SIM1: variants seen among roughly 807,000 people sequenced by gnomAD.
The protein encoded by SIM1 is SIM bHLH transcription factor 1.
Under a neutral mutation model 78.2 loss-of-function variants are expected in SIM1, and 18 were observed. The ratio of observed to expected loss-of-function variants is 0.23; its 90% CI spans 0.16 to 0.34. SIM1 has a LOEUF of 0.34. Among genes scored for constraint, SIM1 ranks in the 10% least tolerant of loss-of-function variants. The pLI is 1.00. For missense variants in SIM1, 939 were observed against 975.1 expected, an observed-to-expected ratio of 0.96 and a Z score of 0.49; for synonymous variants, 417 against 385.2, an observed-to-expected ratio of 1.08 and a Z score of -0.97.
rs147515014 is a variant in SIM1 at position 100,414,468 on chromosome 6, T to C, written c.1167+6322A>G. On this transcript the variant is annotated intron_variant, in intron 10 of 11. Transcript: ENST00000369208. The stretch of plus-strand genomic sequence containing the variant: ...AAAATAATAATCTGAGATTCATTTA[T>C]GAAAACCATCTAAAAAGATTATAAA... 8.3e-4 allele frequency among the ~76,000 whole-genome samples: 127 copies of C among 152,342 alleles called. 1 individual carries two copies. In the East Asian group the frequency reaches 0.019, roughly 22 times the overall value.
rs1770547496 is a variant in SIM1 at position 100,387,740 on chromosome 6, T to A, written c.*2621A>T. The A allele has an allele frequency of 6.6e-6, 1 of 152,120 alleles. No homozygotes were observed. Among genetic ancestry groups the A allele is most frequent in the Non-Finnish European group, 1.5e-5 (1 of 67,970 alleles). 9.4% of individuals were successfully genotyped at this position (152,120 alleles called of 1,614,324 possible). The stretch of plus-strand genomic sequence containing the variant: ...TTGGTCATGTCATTTTAAAGAGCAT[T>A]ATTCCTTCTGATTACTCTCATCTGT... On this transcript the variant is annotated 3_prime_UTR_variant, in exon 12 of 12. Coordinates refer to ENST00000369208, the MANE Select transcript of SIM1 (RefSeq NM_005068.3).
At chr6:100,391,115 G>A (rs1770628136) in intron 11 of SIM1, 24 bp from the exon 12 acceptor site, 2 of 1,549,686 alleles carry the variant, frequency 1.3e-6, no homozygotes, top group East Asian at 4.5e-5. Context: ...AAAGTCAAAA[G>A]TAAGTGATCT....
intron 10 of SIM1, among the ~76,000 whole-genome samples, chr6:100,403,699 T>C (rs1166894037): frequency 6.6e-6 from 1 of 152,214 alleles, no homozygotes; most frequent in Non-Finnish European, 1.5e-5. Flanking sequence ...GGAAAAGAAC[T>C]GTGATGTATT....
intron 2 of SIM1, among the ~76,000 whole-genome samples, chr6:100,455,810 C>T (rs1178440756): frequency 6.6e-6 from 1 of 152,204 alleles, no homozygotes; most frequent in African/African-American, 2.4e-5. Context: ...GAAGGCCTCC[C>T]AAAGCGGCTG....
intron 10 of SIM1, among the ~76,000 whole-genome samples, chr6:100,399,069 G>A (rs910075932): frequency 1.3e-5 from 2 of 151,842 alleles, no homozygotes; most frequent in Admixed American, 1.3e-4. Context: ...TCCTTCCGCA[G>A]GCATATTTGT....
intron 2 of SIM1, among the ~76,000 whole-genome samples, chr6:100,458,018 CTCTCTCTCTCTCTCTCT>C (rs758457127): frequency 0.012 from 1,082 of 87,624 alleles, 12 homozygotes; most frequent in Middle Eastern, 0.017. Context: ...CTCTCTCTCT[CTCTCTCTCTCTCTCTCT>C]CTCTCTCTCT....
chr6:100,413,351 T>C (rs1771311620), intron 10 of SIM1, among the ~76,000 whole-genome samples: 1 of 152,176 alleles, frequency 6.6e-6, no homozygotes, highest in African/African-American at 2.4e-5. Context: ...GCAATCTGGT[T>C]ACCACGGGCA....
chr6:100,412,535 TAAGAAAGAAAGAAAGAAAGAA>T (rs1771217390), intron 10 of SIM1, among the ~76,000 whole-genome samples: 21 of 86,434 alleles, frequency 2.4e-4, no homozygotes, highest in African/African-American at 5.6e-4. Context: ...AGACTCTGTC[TAAGAAAGAAAGAAAGAAAGAA>T]AAGAAAGAAA....
At chr6:100,450,416 CAGG>C in intron 3 of SIM1, 60 bp from the exon 4 acceptor site, 1 of 1,468,518 alleles carries the variant, frequency 6.8e-7, no homozygotes, top group Non-Finnish European at 9.5e-7. Flanking sequence ...GAAATGGGAG[CAGG>C]AGGACAGAAG....
intron 9 of SIM1, among the ~76,000 whole-genome samples, chr6:100,429,030 T>C (rs1771819212): frequency 6.6e-6 from 1 of 152,136 alleles, no homozygotes; most frequent in Non-Finnish European, 1.5e-5. Context: ...TAATTCCACC[T>C]CTGGGAATAT....
At chr6:100,429,615 C>T (rs1771850071) in intron 9 of SIM1, among the ~76,000 whole-genome samples, 1 of 152,052 alleles carries the variant, frequency 6.6e-6, no homozygotes. Context: ...AGATAATAAA[C>T]TAAAACATTT....
chr6:100,451,662 G>A (rs1318984647), intron 3 of SIM1, among the ~76,000 whole-genome samples: 1 of 152,190 alleles, frequency 6.6e-6, no homozygotes, highest in Non-Finnish European at 1.5e-5. Flanking sequence ...GGGGAATATA[G>A]AAAGGGGAGA....
In SIM1 at chr6:100,420,894, A is replaced by T; in HGVS notation, c.1063T>A (p.Ser355Thr). Residue 355 changes from serine to threonine, a missense_variant, in exon 10 of 12, where the codon TCC (serine) becomes ACC (threonine). By Grantham distance (58) the Ser-to-Thr change is moderately conservative. Around this residue, in one of 5 missense-constraint regions of SIM1, gnomAD observed 556 missense variants for 521.9 expected, o/e 1.07. Transcript: ENST00000369208. ...DQISASKPAF[S>T]YTSSSTPTMT... ...GTGGGGGTGGAGCTGCTGGTATAGGAGAAGGCTGGTTTGGAGGCTGAGATC... is the reference window on the plus strand; with the variant it reads ...GTGGGGGTGGAGCTGCTGGTATAGGTGAAGGCTGGTTTGGAGGCTGAGATC... The T allele has an allele frequency of 6.2e-7, 1 of 1,613,914 alleles. No homozygotes were observed. Among genetic ancestry groups the T allele is most frequent in the Non-Finnish European group, 8.5e-7 (1 of 1,179,964 alleles).
At chr6:100,459,997 A>G (rs2114557538) in intron 2 of SIM1, among the ~76,000 whole-genome samples, 1 of 152,338 alleles carries the variant, frequency 6.6e-6, no homozygotes, top group Middle Eastern at 3.4e-3. Flanking sequence ...TTGCAAGGCT[A>G]CTTTGGAATA....
rs375621522 is a variant in SIM1, at chr6:100,390,712, G to T, written c.1950C>A (p.Asn650Lys). 2.0e-5 allele frequency: 33 copies of T among 1,614,030 alleles called. No individual in the cohort carries two copies. Among genetic ancestry groups the T allele is most frequent in the Non-Finnish European group, 2.6e-5 (31 of 1,180,032 alleles). Residue 650 changes from asparagine (N) to lysine (K), a missense_variant, in exon 12 of 12, where the codon AAC becomes AAA. By Grantham distance (94) the Asn-to-Lys change is moderately conservative. Around this residue, in one of 5 missense-constraint regions of SIM1, gnomAD observed 556 missense variants for 521.9 expected, o/e 1.07. Transcript: ENST00000369208. ...TTATCCGAGATAGTGCGGTGGGACTGTTGTCATAGTCATTTTCATGGGGGC... is the reference window on the plus strand; with the variant it reads ...TTATCCGAGATAGTGCGGTGGGACTTTTGTCATAGTCATTTTCATGGGGGC... Reference protein sequence around the residue: ...MLSPHENDYDNSPTALSRISS... With the variant: ...MLSPHENDYDKSPTALSRISS...
rs779507690 is a variant in SIM1 at position 100,449,472 on chromosome 6, G to A, written c.458-24C>T. ...CTCTGGGAGAGAGGAACGAAGGGAA[G>A]CTCAGGTCGTGTGACACCGGCGGCG... On this transcript the variant is annotated intron_variant, in intron 5 of 11. Coordinates refer to ENST00000369208, the MANE Select transcript of SIM1 (RefSeq NM_005068.3). 3.7e-6 allele frequency: 6 copies of A among 1,606,608 alleles called. No individual in the cohort carries two copies. The Admixed American group carries it at 8.3e-5, about 22-fold the overall frequency.
At chr6:100,460,513 A>G (rs1199227450) in intron 2 of SIM1, among the ~76,000 whole-genome samples, 1 of 152,246 alleles carries the variant, frequency 6.6e-6, no homozygotes, top group African/African-American at 2.4e-5. Context: ...ATTACCTGTG[A>G]TAAGACACTT....
At chr6:100,422,494 C>T (rs1271823456) in intron 9 of SIM1, among the ~76,000 whole-genome samples, 1 of 152,182 alleles carries the variant, frequency 6.6e-6, no homozygotes. Context: ...TAGGCCACTG[C>T]ACCCGGCCTA....
chr6:100,451,460 G>C lies in SIM1; in HGVS notation c.259-1104C>G, dbSNP rs952124355. ...GAAATGTCAATTTGAGAAACCTGGA[G>C]TTGCTCTGTAAGCACTAGAGTTCTA... On this transcript the variant is annotated intron_variant, in intron 3 of 11. Transcript: ENST00000369208. Among the ~76,000 whole-genome samples, 16 of 152,202 alleles carry C rather than the reference G, an allele frequency of 1.1e-4. 1 individual carries two copies. The highest frequency in any genetic ancestry group is 3.9e-4 in the African/African-American group (16 of 41,452).
Sources: allele counts gnomAD v4.1 joint callset (sites outside exome capture counted in the v4.1 genomes callset), GRCh38; gene constraint gnomAD v4.1.1; regional missense constraint gnomAD v4.1.1; transcripts MANE v1.5; gene names NCBI Gene and HGNC (gene_info 2026-07-23, HGNC 2026-07-21).